TET2: variants seen among roughly 807,000 people sequenced by gnomAD.
TET2 encodes tet methylcytosine dioxygenase 2, also known as methylcytosine dioxygenase TET2.
A neutral mutation model predicts 142.9 loss-of-function variants in TET2; 299 were observed. The ratio of observed to expected loss-of-function variants is 2.09; its 90% confidence interval spans 1.90 to 2.30. TET2 has a LOEUF of 2.30. Ranked by LOEUF, TET2 falls within the 30% of genes most tolerant of loss-of-function variation. The pLI is 0.00. For synonymous variants in TET2, 819 were observed against 849.0 expected (o/e 0.96, Z 0.61); for missense variants, 2,418 against 2,378.0 (o/e 1.02, Z -0.35).
intron 6 of TET2, among the ~76,000 whole-genome samples, chr4:105,253,912 T>C (rs1367027982): frequency 6.6e-6 from 1 of 152,204 alleles, no homozygotes; most frequent in Non-Finnish European, 1.5e-5. Context: ...ATACTTTTTT[T>C]CCACCTATTG....
At chr4:105,241,951 T>G in intron 4 of TET2, 1 of 1,009,462 alleles carries the variant, frequency 9.9e-7, no homozygotes, top group Non-Finnish European at 1.3e-6. Context: ...TTTTTTTTTT[T>G]TTCGCTATCA....
Position 105,231,462 on chromosome 4 carries a change from TC to T in TET2, c.-46-2433del, listed in dbSNP as rs1728500826. Reference sequence around the variant, plus strand: ...TTCTATTATAACTACAGTATTTTATTCCAGTAAAACTTCTGACTGGTTGATG... The same window carrying T: ...TTCTATTATAACTACAGTATTTTATTCAGTAAAACTTCTGACTGGTTGATG... On this transcript the variant is annotated intron_variant, in intron 2 of 10. Transcript: ENST00000380013. Among the ~76,000 whole-genome samples the T allele has an allele frequency of 3.9e-5, 6 of 152,278 alleles. No homozygotes were observed. In the South Asian group the frequency reaches 1.2e-3, roughly 32 times the overall value.
At chr4:105,261,374 G>A (rs773350851) in intron 7 of TET2, among the ~76,000 whole-genome samples, 3 of 152,060 alleles carry the variant, frequency 2.0e-5, no homozygotes, top group Non-Finnish European at 4.4e-5. Flanking sequence ...AACATAAAAT[G>A]TAAAGATTAG....
At chr4:105,161,481 C>T (rs1315362691) in intron 1 of TET2, among the ~76,000 whole-genome samples, 2 of 152,150 alleles carry the variant, frequency 1.3e-5, no homozygotes, top group African/African-American at 4.8e-5. Flanking sequence ...ATAGTAAAAG[C>T]TTGGGTGAAA....
chr4:105,236,546 T>C lies in TET2; in HGVS notation c.2604T>C (p.Phe868=). 6.2e-7 allele frequency: 1 copy of C among 1,614,100 alleles called. No individual in the cohort carries two copies. The highest frequency in any genetic ancestry group is 8.5e-7 in the Non-Finnish European group (1 of 1,180,012). Residue 868 remains phenylalanine (F), a synonymous_variant, in exon 3 of 11, where the codon TTT becomes TTC. Transcript: ENST00000380013. The part of the protein sequence containing the change: ...KTQNLHHMQY[F]PNNVIPKQDL... ...AAAACTTGCATCACATGCAATATTT[T>C]CCAAATAATGTGATCCCAAAGCAAG...
At chr4:105,147,129 T>C (rs1578518214) in intron 1 of TET2, 150 bp downstream of exon 1, 3 of 152,252 alleles carry the variant, frequency 2.0e-5, no homozygotes, top group African/African-American at 7.2e-5. Context: ...CTGGAGCCTC[T>C]TCAACATGGC....
intron 2 of TET2, among the ~76,000 whole-genome samples, chr4:105,205,074 C>A (rs970694101): frequency 8.5e-5 from 13 of 152,148 alleles, no homozygotes; most frequent in African/African-American, 2.9e-4. Context: ...TCTAGTTATA[C>A]TATAGCTATA....
At chr4:105,256,698 A>ACTTTATTCTACT (rs1730151543) in intron 6 of TET2, among the ~76,000 whole-genome samples, 1 of 152,128 alleles carries the variant, frequency 6.6e-6, no homozygotes, top group East Asian at 1.9e-4. Flanking sequence ...TTTATTCTTC[A>ACTTTATTCTACT]TCCTCTACTT....
chr4:105,176,241 C>T (rs1724787415), intron 1 of TET2, among the ~76,000 whole-genome samples: 1 of 152,120 alleles, frequency 6.6e-6, no homozygotes, highest in Non-Finnish European at 1.5e-5. Context: ...AAGAACAAGA[C>T]AAAGGTGTCT....
chr4:105,235,422 G>A lies in TET2; in HGVS notation c.1480G>A (p.Gly494Arg). 6.2e-7 allele frequency: 1 copy of A among 1,614,158 alleles called. No homozygotes were observed. Residue 494 changes from glycine (G) to arginine (R), a missense_variant, in exon 3 of 11, where the codon GGG (glycine) becomes AGG (arginine). Physicochemically the swap from Gly to Arg is moderately radical, Grantham distance 125. Transcript: ENST00000380013. Reference protein sequence around the residue: ...CVNRNDIQTAGTMTVPLCSEK... With the variant: ...CVNRNDIQTARTMTVPLCSEK... ...GAACAGGAATGACATACAGACTGCA[G>A]GGACAATGACTGTTCCATTGTGTTC...
At chr4:105,153,828 A>G (rs188401550) in intron 1 of TET2, among the ~76,000 whole-genome samples, 91 of 152,376 alleles carry the variant, frequency 6.0e-4, no homozygotes, top group Non-Finnish European at 1.1e-3. Flanking sequence ...TTTAAAATGC[A>G]TACAGTTGTT....
At position 105,234,689 on chromosome 4, in the gene TET2, A is replaced by G. The variant is rs1345883526; in HGVS notation, c.747A>G (p.Ile249Met). ...CGGTGCAGAAAACCACATCTCACATAAATGCCATTAACAGTCAGGCTACTA... is the reference window on the plus strand; with the variant it reads ...CGGTGCAGAAAACCACATCTCACATGAATGCCATTAACAGTCAGGCTACTA... The part of the protein sequence containing the change: ...SIAVQKTTSH[I>M]NAINSQATNE... The change falls in exon 3 of 11, where the codon ATA becomes ATG. Residue 249 changes from isoleucine to methionine, a missense_variant. Physicochemically the swap from Ile to Met is conservative, Grantham distance 10. Transcript: ENST00000380013. The G allele has an allele frequency of 2.5e-6, 4 of 1,613,982 alleles. No individual in the cohort carries two copies. Among genetic ancestry groups the G allele is most frequent in the African/African-American group, 2.7e-5 (2 of 74,938 alleles).
At chr4:105,154,181 T>C (rs912991472) in intron 1 of TET2, among the ~76,000 whole-genome samples, 3 of 152,206 alleles carry the variant, frequency 2.0e-5, no homozygotes, top group African/African-American at 7.2e-5. Flanking sequence ...TTGGTGATGA[T>C]GAAAATGTTC....
Position 105,269,712 on chromosome 4 carries a change from A to G in TET2, c.4147A>G (p.Arg1383Gly), listed in dbSNP as rs2110300982. 3 of 1,551,686 alleles carry G rather than the reference A, an allele frequency of 1.9e-6. No homozygotes were observed. Among genetic ancestry groups the G allele is most frequent in the Non-Finnish European group, 2.6e-6 (3 of 1,146,958 alleles). ...TTTGGACTTCTGTGCTCATGCCCAC[A>G]GAGACTTGCACAACATGCAGAATGG... Reference protein sequence around the residue: ...ACLDFCAHAHRDLHNMQNGST... With the variant: ...ACLDFCAHAHGDLHNMQNGST... Residue 1383 changes from arginine to glycine, a missense_variant, in exon 9 of 11, where the codon AGA becomes GGA. Arg to Gly is a moderately radical substitution (Grantham distance 125). Coordinates refer to ENST00000380013, the MANE Select transcript of TET2 (RefSeq NM_001127208.3).
At position 105,234,463 on chromosome 4, in the gene TET2, C is replaced by A. The variant is rs146031219; in HGVS notation, c.521C>A (p.Pro174His). ...TTTTCAACACATAACTGCAGTGGGC[C>A]TGAAAATCCAGAGCTTCAGATTCTG... is the stretch of plus-strand genomic sequence containing the variant. ...TSFSTHNCSG[P>H]ENPELQILNE... Residue 174 changes from proline to histidine, a missense_variant, in exon 3 of 11, where the codon CCT becomes CAT. By Grantham distance (77) the Pro-to-His change is moderately conservative. Coordinates refer to ENST00000380013, the MANE Select transcript of TET2 (RefSeq NM_001127208.3). 1.2e-3 allele frequency: 1,981 copies of A among 1,613,938 alleles called. 6 individuals are homozygous for A. Among genetic ancestry groups the A allele is most frequent in the Non-Finnish European group, 1.4e-3 (1,630 of 1,179,984 alleles).
chr4:105,222,591 G>A (rs535752990), intron 2 of TET2, among the ~76,000 whole-genome samples: 1 of 152,148 alleles, frequency 6.6e-6, no homozygotes, highest in African/African-American at 2.4e-5. Context: ...ATTTGTTTGA[G>A]TTCTTTGTAG....
intron 2 of TET2, among the ~76,000 whole-genome samples, chr4:105,204,211 A>C (rs1726659100): frequency 7.3e-6 from 1 of 136,792 alleles, no homozygotes; most frequent in Non-Finnish European, 1.6e-5. Flanking sequence ...AAACAAAAAC[A>C]AACCAAAAAA....
At chr4:105,272,398 C>A (rs1731006369) in intron 9 of TET2, among the ~76,000 whole-genome samples, 166 bp from the exon 10 acceptor site, 1 of 152,100 alleles carries the variant, frequency 6.6e-6, no homozygotes, top group Admixed American at 6.6e-5. Context: ...TTGCTATTTT[C>A]ATTAATAACA....
chr4:105,246,307 G>T (rs1474229098), intron 6 of TET2, among the ~76,000 whole-genome samples: 1 of 152,162 alleles, frequency 6.6e-6, no homozygotes, highest in Non-Finnish European at 1.5e-5. Flanking sequence ...TTATTATTTT[G>T]CATTTGAAAA....
Sources: allele counts gnomAD v4.1 joint callset (sites outside exome capture counted in the v4.1 genomes callset), GRCh38; gene constraint gnomAD v4.1.1; transcripts MANE v1.5; gene names NCBI Gene and HGNC (gene_info 2026-07-23, HGNC 2026-07-21).